CCN2: variants seen among roughly 807,000 people sequenced by gnomAD.
CCN2 encodes the protein CCN family member 2.
Under a neutral mutation model 33.2 loss-of-function variants are expected in CCN2, and 22 were observed. The observed-to-expected ratio is 0.66, with a 90% CI of 0.47 to 0.95. CCN2 has a LOEUF of 0.95. Among genes scored for constraint, CCN2 ranks in the 40% least tolerant of loss-of-function variants. CCN2 has a pLI of 0.00. For synonymous variants in CCN2, 178 were observed against 200.6 expected (o/e 0.89, Z 0.95); for missense variants, 469 against 498.8 (o/e 0.94, Z 0.57).
Position 131,950,142 on chromosome 6 carries a change from G to C in CCN2, c.560C>G (p.Thr187Arg). The change falls in exon 4 of 5, where the codon ACG (threonine) becomes AGG (arginine). Residue 187 changes from threonine to arginine, a missense_variant. Coordinates refer to ENST00000367976, the MANE Select transcript of CCN2 (RefSeq NM_001901.4). This position sits in a 1 kb window ranked among gnomAD's most constrained non-coding sequence, Gnocchi z 7.1. ...AATCATAGTTGGGTCTGGGCCAAAC[G>C]TGTCTTCCAGTCGGTAAGCTGCGAG... is the stretch of plus-strand genomic sequence containing the variant. ...PALAAYRLED[T>R]FGPDPTMIRA... 2 of 1,614,232 alleles carry C rather than the reference G, an allele frequency of 1.2e-6. No homozygotes were observed. Among genetic ancestry groups the C allele is most frequent in the Non-Finnish European group, 1.7e-6 (2 of 1,180,050 alleles).
Position 131,949,542 on chromosome 6 carries a change from G to T in CCN2, c.772C>A (p.Arg258Ser). ...ENIKKGKKCIRTPKISKPIKF... is the reference protein window; with the variant it reads ...ENIKKGKKCISTPKISKPIKF... Reference sequence around the variant, plus strand: ...ATAGGCTTGGAGATTTTGGGAGTACGGATGCACTTTTTGCCCTTCTAAGGA... The same window carrying T: ...ATAGGCTTGGAGATTTTGGGAGTACTGATGCACTTTTTGCCCTTCTAAGGA... The change falls in exon 5 of 5, where the codon CGT becomes AGT. Residue 258 changes from arginine to serine, a missense_variant. By Grantham distance (110) the Arg-to-Ser change is moderately radical. Transcript: ENST00000367976. 2 of 1,607,598 alleles carry T rather than the reference G, an allele frequency of 1.2e-6. No homozygotes were observed. The highest frequency in any genetic ancestry group is 1.7e-4 in the Middle Eastern group (1 of 6,026).
rs187658120 is a variant in CCN2 at position 131,950,080 on chromosome 6, C to T, written c.622G>A (p.Ala208Thr). Residue 208 changes from alanine to threonine, a missense_variant, in exon 4 of 5, where the codon GCC (alanine) becomes ACC (threonine). Coordinates refer to ENST00000367976, the MANE Select transcript of CCN2 (RefSeq NM_001901.4). The surrounding 1 kb of genome is among the most constrained non-coding windows in gnomAD (Gnocchi z 7.1). The stretch of plus-strand genomic sequence containing the variant: ...CCCATCCCACAGGTCTTGGAACAGG[C>T]GCTCCACTCTGTGGTCTGGACCAGG... ...NCLVQTTEWS[A>T]CSKTCGMGIS... The T allele has an allele frequency of 1.8e-5, 29 of 1,614,212 alleles. No homozygotes were observed. In the East Asian group the frequency reaches 5.6e-4, roughly 31 times the overall value.
chr6:131,950,217 C>T lies in CCN2; in HGVS notation c.542-57G>A. The T allele has an allele frequency of 3.1e-6, 5 of 1,611,344 alleles. No homozygotes were observed. Among genetic ancestry groups the T allele is most frequent in the Middle Eastern group, 1.7e-4 (1 of 6,052 alleles). ...AAACGCCTGGATAAGGTATTTCCCC[C>T]GTTCGGTCGGCACAGTTAGGACTCC... is the stretch of plus-strand genomic sequence containing the variant. On this transcript the variant is annotated intron_variant, in intron 3 of 4. Coordinates refer to ENST00000367976, the MANE Select transcript of CCN2 (RefSeq NM_001901.4). The surrounding 1 kb of genome is among the most constrained non-coding windows in gnomAD (Gnocchi z 7.1).
In CCN2 at chr6:131,950,811, T is replaced by G. The variant is rs1463464110; in HGVS notation, c.248A>C (p.His83Pro). Residue 83 changes from histidine (H) to proline (P), a missense_variant, in exon 2 of 5, where the codon CAC becomes CCC. Transcript: ENST00000367976. The surrounding 1 kb of genome is among the most constrained non-coding windows in gnomAD (Gnocchi z 7.1). ...CTTGCGGTTGGCCGGGGAGCCGAAG[T>G]GACAGAATAGGCCCTTGTGCGGGTC... ...PCDPHKGLFC[H>P]FGSPANRKIG... is the part of the protein sequence containing the mutation. 6.5e-6 allele frequency: 10 copies of G among 1,545,918 alleles called. No homozygotes were observed. The highest frequency in any genetic ancestry group is 7.8e-6 in the Non-Finnish European group (9 of 1,153,056).
chr6:131,949,112 G>T lies in CCN2; in HGVS notation c.*152C>A. 1 of 693,484 alleles carries T rather than the reference G, an allele frequency of 1.4e-6. No individual in the cohort carries two copies. Among genetic ancestry groups the T allele is most frequent in the Non-Finnish European group, 2.4e-6 (1 of 409,672 alleles). 43.0% of individuals were successfully genotyped at this position (693,484 alleles called of 1,614,324 possible). On this transcript the variant is annotated 3_prime_UTR_variant, in exon 5 of 5. Transcript: ENST00000367976. Reference sequence around the variant, plus strand: ...GTTGATAGACTATTTGTTTGACATGGCACAATGTTTTGAATTGGGTGGGAA... The same window carrying T: ...GTTGATAGACTATTTGTTTGACATGTCACAATGTTTTGAATTGGGTGGGAA...
intron 1 of CCN2, 25 bp downstream of exon 1, chr6:131,951,082 C>A: frequency 3.1e-6 from 4 of 1,299,310 alleles, no homozygotes; most frequent in Non-Finnish European, 3.9e-6. Flanking sequence ...AGCCGCCGGC[C>A]GCAGCGGGGG....
chr6:131,950,748 C>A lies in CCN2; in HGVS notation c.289+22G>T, dbSNP rs1304182097. ...AGGGAGGAGGCGGCCGGACACCTAG[C>A]GGTGGGGGCTGCGGGTCTTACCGGT... is the stretch of plus-strand genomic sequence containing the variant. On this transcript the variant is annotated intron_variant, in intron 2 of 4. Transcript: ENST00000367976. This position sits in a 1 kb window ranked among gnomAD's most constrained non-coding sequence, Gnocchi z 7.1. 3 of 1,522,464 alleles carry A rather than the reference C, an allele frequency of 2.0e-6. No individual in the cohort carries two copies. Among genetic ancestry groups the A allele is most frequent in the Non-Finnish European group, 2.6e-6 (3 of 1,138,656 alleles). 94.3% of individuals were successfully genotyped at this position (1,522,464 alleles called of 1,614,324 possible). A position where few individuals can be genotyped will look rare whatever the true frequency, so the allele number is the denominator to read the frequency against.
rs1783070263 is a variant in CCN2 at position 131,949,551 on chromosome 6, T to C, written c.763A>G (p.Lys255Glu). ...GAGATTTTGGGAGTACGGATGCACTTTTTGCCCTTCTAAGGAAGACAAGGG... is the reference window on the plus strand; with the variant it reads ...GAGATTTTGGGAGTACGGATGCACTCTTTGCCCTTCTAAGGAAGACAAGGG... ...DLEENIKKGK[K>E]CIRTPKISKP... is the part of the protein sequence containing the mutation. Residue 255 changes from lysine (K) to glutamate (E), a missense_variant, in exon 5 of 5, where the codon AAG becomes GAG. By Grantham distance (56) the Lys-to-Glu change is moderately conservative. Coordinates refer to ENST00000367976, the MANE Select transcript of CCN2 (RefSeq NM_001901.4). The C allele has an allele frequency of 6.2e-7, 1 of 1,612,396 alleles. No homozygotes were observed. The highest frequency in any genetic ancestry group is 2.2e-5 in the East Asian group (1 of 44,746).
In CCN2 at chr6:131,950,554, G is replaced by A. The variant is rs1259989270; in HGVS notation, c.290-11C>T. The A allele has an allele frequency of 1.2e-6, 2 of 1,611,578 alleles. No individual in the cohort carries two copies. The highest frequency in any genetic ancestry group is 2.2e-5 in the East Asian group (1 of 44,812). Reference sequence around the variant, plus strand: ...GAGCACCATCTTTGGCTGGAGAAGAGGAAGGGAAGAGAGGGGTGGGGGATG... The same window carrying A: ...GAGCACCATCTTTGGCTGGAGAAGAAGAAGGGAAGAGAGGGGTGGGGGATG... On this transcript the variant is annotated splice_polypyrimidine_tract_variant and intron_variant, in intron 2 of 4. Transcript: ENST00000367976. The surrounding 1 kb of genome is among the most constrained non-coding windows in gnomAD (Gnocchi z 7.1).
chr6:131,951,203 G>C lies in CCN2; in HGVS notation c.-31C>G. 1 of 1,282,106 alleles carries C rather than the reference G, an allele frequency of 7.8e-7. No individual in the cohort carries two copies. The highest frequency in any genetic ancestry group is 9.8e-7 in the Non-Finnish European group (1 of 1,016,106). The allele number at this position is 1,282,106 out of a possible 1,614,324, so 79.4% of individuals were successfully genotyped here. On this transcript the variant is annotated 5_prime_UTR_variant, in exon 1 of 5. Transcript: ENST00000367976. ...GCACTGCGGGCGGAGCGGAGGGCGC[G>C]GTGGCGGCGAGCGGGGAGCGGCGGG...
chr6:131,949,122 T>C lies in CCN2; in HGVS notation c.*142A>G. 1 of 737,662 alleles carries C rather than the reference T, an allele frequency of 1.4e-6. No homozygotes were observed. Among genetic ancestry groups the C allele is most frequent in the Non-Finnish European group, 2.2e-6 (1 of 445,660 alleles). 45.7% of individuals were successfully genotyped at this position (737,662 alleles called of 1,614,324 possible). On this transcript the variant is annotated 3_prime_UTR_variant, in exon 5 of 5. Coordinates refer to ENST00000367976, the MANE Select transcript of CCN2 (RefSeq NM_001901.4). ...TATTTGTTTGACATGGCACAATGTT[T>C]TGAATTGGGTGGGAATCTTTTCCCC...
In CCN2 at chr6:131,950,068, T is replaced by C. The variant is rs1390472679; in HGVS notation, c.634A>G (p.Thr212Ala). The change falls in exon 4 of 5, where the codon ACC becomes GCC. Residue 212 changes from threonine (T) to alanine (A), a missense_variant. Thr to Ala is a moderately conservative substitution (Grantham distance 58). Transcript: ENST00000367976. This position sits in a 1 kb window ranked among gnomAD's most constrained non-coding sequence, Gnocchi z 7.1. The stretch of plus-strand genomic sequence containing the variant: ...CGGGTGGAGATGCCCATCCCACAGG[T>C]CTTGGAACAGGCGCTCCACTCTGTG... Reference protein sequence around the residue: ...QTTEWSACSKTCGMGISTRVT... With the variant: ...QTTEWSACSKACGMGISTRVT... The C allele has an allele frequency of 6.2e-7, 1 of 1,614,142 alleles. No individual in the cohort carries two copies. The highest frequency in any genetic ancestry group is 1.7e-5 in the Admixed American group (1 of 60,024).
rs113694117 is a variant in CCN2 at position 131,949,698 on chromosome 6, T to A, written c.754-138A>T. 2.1e-3 allele frequency: 1,964 copies of A among 937,956 alleles called. 26 individuals are homozygous for A. The African/African-American group carries it at 0.026, about 13-fold the overall frequency. The allele number at this position is 937,956 out of a possible 1,614,324, so 58.1% of individuals were successfully genotyped here. ...ATATTTTGAGGGGAGGAAGTTTGAGTCTCATTTGCTATGTCCAAAAATAGC... is the reference window on the plus strand; with the variant it reads ...ATATTTTGAGGGGAGGAAGTTTGAGACTCATTTGCTATGTCCAAAAATAGC... On this transcript the variant is annotated intron_variant, in intron 4 of 4. Coordinates refer to ENST00000367976, the MANE Select transcript of CCN2 (RefSeq NM_001901.4).
At position 131,950,925 on chromosome 6, in the gene CCN2, G is replaced by T; in HGVS notation, c.134C>A (p.Ala45Glu). 1 of 1,454,142 alleles carries T rather than the reference G, an allele frequency of 6.9e-7. No homozygotes were observed. Among genetic ancestry groups the T allele is most frequent in the Non-Finnish European group, 9.0e-7 (1 of 1,114,330 alleles). 90.1% of individuals were successfully genotyped at this position (1,454,142 alleles called of 1,614,324 possible). A position where few individuals can be genotyped will look rare whatever the true frequency, so the allele number is the denominator to read the frequency against. The part of the protein sequence containing the change: ...CPDEPAPRCP[A>E]GVSLVLDGCG... ...GCCGTCCAGCACGAGGCTCACGCCC[G>T]CCGGGCAGCGCGGCGCCGGCTCGTC... Residue 45 changes from alanine (A) to glutamate (E), a missense_variant, in exon 2 of 5, where the codon GCG becomes GAG. By Grantham distance (107) the Ala-to-Glu change is moderately radical (BLOSUM62 -1). Coordinates refer to ENST00000367976, the MANE Select transcript of CCN2 (RefSeq NM_001901.4). The surrounding 1 kb of genome is among the most constrained non-coding windows in gnomAD (Gnocchi z 7.1).
In CCN2 at chr6:131,950,253, G is replaced by C. The variant is rs1362696531; in HGVS notation, c.541+39C>G. On this transcript the variant is annotated intron_variant, in intron 3 of 4. Transcript: ENST00000367976. This position sits in a 1 kb window ranked among gnomAD's most constrained non-coding sequence, Gnocchi z 7.1. ...CACAGTTAGGACTCCCTCCCTGGGA[G>C]AGAATCACGACCCTGACTTAGAGGA... 1 of 1,610,292 alleles carries C rather than the reference G, an allele frequency of 6.2e-7. No homozygotes were observed. Among genetic ancestry groups the C allele is most frequent in the Admixed American group, 1.7e-5 (1 of 59,942 alleles).
In CCN2 at chr6:131,950,114, T is replaced by C; in HGVS notation, c.588A>G (p.Arg196=). ...CTGTGGTCTGGACCAGGCAGTTGGC[T>C]CTAATCATAGTTGGGTCTGGGCCAA... ...DTFGPDPTMI[R]ANCLVQTTEW... is the part of the protein sequence containing the mutation. The change falls in exon 4 of 5, where the codon AGA becomes AGG. Residue 196 remains arginine (R), a synonymous_variant. Transcript: ENST00000367976. This position sits in a 1 kb window ranked among gnomAD's most constrained non-coding sequence, Gnocchi z 7.1. The C allele has an allele frequency of 3.1e-6, 5 of 1,614,236 alleles. No homozygotes were observed. The highest frequency in any genetic ancestry group is 4.2e-6 in the Non-Finnish European group (5 of 1,180,034).
chr6:131,950,080 C>A lies in CCN2; in HGVS notation c.622G>T (p.Ala208Ser). 1 of 1,614,212 alleles carries A rather than the reference C, an allele frequency of 6.2e-7. No homozygotes were observed. Among genetic ancestry groups the A allele is most frequent in the East Asian group, 2.2e-5 (1 of 44,886 alleles). Residue 208 changes from alanine to serine, a missense_variant, in exon 4 of 5, where the codon GCC becomes TCC. Ala to Ser is a moderately conservative substitution (Grantham distance 99). Coordinates refer to ENST00000367976, the MANE Select transcript of CCN2 (RefSeq NM_001901.4). The surrounding 1 kb of genome is among the most constrained non-coding windows in gnomAD (Gnocchi z 7.1). ...NCLVQTTEWS[A>S]CSKTCGMGIS... The stretch of plus-strand genomic sequence containing the variant: ...CCCATCCCACAGGTCTTGGAACAGG[C>A]GCTCCACTCTGTGGTCTGGACCAGG...
rs1213818204 is a variant in CCN2 at position 131,950,825 on chromosome 6, C to A, written c.234G>T (p.Lys78Asn). 1.3e-6 allele frequency: 2 copies of A among 1,542,804 alleles called. No homozygotes were observed. The highest frequency in any genetic ancestry group is 1.4e-5 in the African/African-American group (1 of 73,440). ...GGGAGCCGAAGTGACAGAATAGGCC[C>A]TTGTGCGGGTCGCATGGGTCGCGCT... Reference protein sequence around the residue: ...CTERDPCDPHKGLFCHFGSPA... With the variant: ...CTERDPCDPHNGLFCHFGSPA... Residue 78 changes from lysine (K) to asparagine (N), a missense_variant, in exon 2 of 5, where the codon AAG (lysine) becomes AAT (asparagine). Coordinates refer to ENST00000367976, the MANE Select transcript of CCN2 (RefSeq NM_001901.4). This position sits in a 1 kb window ranked among gnomAD's most constrained non-coding sequence, Gnocchi z 7.1.
At position 131,950,284 on chromosome 6, in the gene CCN2, C is replaced by G. The variant is rs765356596; in HGVS notation, c.541+8G>C. On this transcript the variant is annotated splice_region_variant and intron_variant, in intron 3 of 4. Transcript: ENST00000367976. The surrounding 1 kb of genome is among the most constrained non-coding windows in gnomAD (Gnocchi z 7.1). ...CACGACCCTGACTTAGAGGAAGACT[C>G]GACTCACCCGCGAGGGCAGGCCCAA... is the stretch of plus-strand genomic sequence containing the variant. 6.2e-7 allele frequency: 1 copy of G among 1,612,520 alleles called. No homozygotes were observed. Among genetic ancestry groups the G allele is most frequent in the Non-Finnish European group, 8.5e-7 (1 of 1,178,794 alleles).
Sources: gnomAD v4.1 joint callset for allele counts on GRCh38, gnomAD v4.1.1 for gene constraint, Gnocchi (gnomAD v3.1) non-coding constraint, MANE v1.5 for transcripts, NCBI Gene and HGNC (gene_info 2026-07-23, HGNC 2026-07-21) for gene names.